The following ASTN1 variants were observed in gnomAD, a reference collection of about 807,000 sequenced individuals.
ASTN1 encodes the protein astrotactin-1.
In ASTN1, 41 loss-of-function variants were observed where a neutral mutation model predicts 140.7. The ratio of observed to expected loss-of-function variants is 0.29; its 90% CI spans 0.23 to 0.38. The LOEUF (loss-of-function observed/expected upper bound fraction) is 0.38, where lower values mean the gene tolerates loss of function less well. Ranked by LOEUF, ASTN1 falls within the 10% of genes least tolerant of loss-of-function variation. The probability of loss-of-function intolerance (pLI) is 1.00; values close to 1 mark genes in which losing one functional copy is unlikely to be tolerated. For missense variants in ASTN1, 1,479 were observed against 1,678.8 expected (o/e 0.88, Z 2.08); for synonymous variants, 640 against 652.2 (o/e 0.98, Z 0.29).
intron 16 of ASTN1, among the ~76,000 whole-genome samples, chr1:176,929,817 G>C (rs1014313768): frequency 2.0e-5 from 3 of 152,196 alleles, no homozygotes; most frequent in African/African-American, 7.2e-5. Context: ...GACCATCCTG[G>C]CTAACACGGT....
chr1:176,859,500 C>G (rs1043517633), downstream of ASTN1, among the ~76,000 whole-genome samples: 1 of 152,138 alleles, frequency 6.6e-6, no homozygotes, highest in African/African-American at 2.4e-5. Context: ...TTAAAAGACC[C>G]CTGGCCGGGC....
intron 1 of ASTN1, among the ~76,000 whole-genome samples, chr1:177,068,262 C>T (rs1678462766): frequency 6.6e-6 from 1 of 152,176 alleles, no homozygotes; most frequent in African/African-American, 2.4e-5. Flanking sequence ...CAGGCTTGAG[C>T]AATGGCCACA....
chr1:177,110,413 A>G (rs575735046), intron 1 of ASTN1, among the ~76,000 whole-genome samples: 19 of 152,234 alleles, frequency 1.2e-4, no homozygotes, highest in Non-Finnish European at 2.5e-4. Flanking sequence ...CTAACATAAC[A>G]TTAGCTCTGA....
intron 21 of ASTN1, among the ~76,000 whole-genome samples, chr1:176,875,895 G>C (rs1282263410): frequency 6.6e-6 from 1 of 152,226 alleles, no homozygotes; most frequent in African/African-American, 2.4e-5. Flanking sequence ...CCTTAGAACA[G>C]GGGATGATGT....
At chr1:177,079,521 A>G (rs531184073) in intron 1 of ASTN1, among the ~76,000 whole-genome samples, 2 of 152,328 alleles carry the variant, frequency 1.3e-5, no homozygotes, top group African/African-American at 4.8e-5. Flanking sequence ...TGAAAGAAGA[A>G]GTACCACAAT....
At chr1:177,024,994 G>A (rs1474129216) in intron 5 of ASTN1, among the ~76,000 whole-genome samples, 3 of 152,120 alleles carry the variant, frequency 2.0e-5, no homozygotes, top group Non-Finnish European at 4.4e-5. Context: ...CTCTTCCTGG[G>A]CCAAGTTCAC....
chr1:176,957,862 T>A (rs1317183941), intron 10 of ASTN1, 34 bp from the exon 11 acceptor site: 3 of 1,603,160 alleles, frequency 1.9e-6, no homozygotes, highest in Non-Finnish European at 8.5e-7. Context: ...CAGGGAGGAG[T>A]CAAGGAGATT....
chr1:176,925,002 A>T (rs894305858), intron 16 of ASTN1, among the ~76,000 whole-genome samples: 2 of 152,218 alleles, frequency 1.3e-5, no homozygotes, highest in East Asian at 3.9e-4. Context: ...GCTATTAAAT[A>T]AAAAAGTCAG....
In ASTN1 at chr1:177,004,737, T is replaced by C. The variant is rs528119729; in HGVS notation, c.1523+10054A>G. Among the ~76,000 whole-genome samples, 1,062 of 152,272 alleles carry C rather than the reference T, an allele frequency of 7.0e-3. 7 individuals are homozygous for C. The highest frequency in any genetic ancestry group is 0.011 in the Non-Finnish European group (775 of 68,018). On this transcript the variant is annotated intron_variant, in intron 8 of 22. Transcript: ENST00000361833. ...AACAAAAACCAAGGAAAGGACACCC[T>C]ATTCAATAAATGGTACTGAGAAAGC...
At chr1:177,035,603 G>A (rs896931443) in intron 2 of ASTN1, among the ~76,000 whole-genome samples, 3 of 152,118 alleles carry the variant, frequency 2.0e-5, no homozygotes, top group African/African-American at 7.2e-5. Context: ...GTCACTACAT[G>A]CCTGAGAGAT....
At chr1:177,140,933 C>T (rs1682440034) in intron 1 of ASTN1, among the ~76,000 whole-genome samples, 1 of 152,144 alleles carries the variant, frequency 6.6e-6, no homozygotes, top group Non-Finnish European at 1.5e-5. Context: ...ACAGCACTTA[C>T]TGGCTGGGCT....
chr1:177,076,434 T>C (rs971673731), intron 1 of ASTN1, among the ~76,000 whole-genome samples: 6 of 151,852 alleles, frequency 4.0e-5, no homozygotes, highest in African/African-American at 1.2e-4. Context: ...AGTGCATCCT[T>C]GGTCATAATG....
chr1:176,935,876 T>C (rs1671421788), intron 15 of ASTN1, among the ~76,000 whole-genome samples: 2 of 152,184 alleles, frequency 1.3e-5, no homozygotes, highest in African/African-American at 4.8e-5. Flanking sequence ...TTTCTTGCTC[T>C]CTTTTTTTAG....
In ASTN1 at chr1:176,954,792, G is replaced by A. The variant is rs78019006; in HGVS notation, c.1887+2886C>T. Among the ~76,000 whole-genome samples, 1,243 of 152,292 alleles carry A rather than the reference G, an allele frequency of 8.2e-3. 19 individuals are homozygous for A. Among genetic ancestry groups the A allele is most frequent in the African/African-American group, 0.028 (1,145 of 41,542 alleles). The stretch of plus-strand genomic sequence containing the variant: ...AGCAATCCGTGGCTACTGGAGGGCC[G>A]TCTGGCTTGGAATGGTGTGACTGTG... On this transcript the variant is annotated intron_variant, in intron 11 of 22. Coordinates refer to ENST00000361833, the MANE Select transcript of ASTN1 (RefSeq NM_004319.3).
intron 16 of ASTN1, among the ~76,000 whole-genome samples, chr1:176,921,248 T>A (rs1002156126): frequency 6.6e-6 from 1 of 152,248 alleles, no homozygotes; most frequent in African/African-American, 2.4e-5. Context: ...ATATCTTCTA[T>A]TAATTGAACC....
chr1:177,148,335 G>A (rs951054289), intron 1 of ASTN1, among the ~76,000 whole-genome samples: 18 of 151,462 alleles, frequency 1.2e-4, no homozygotes, highest in South Asian at 2.1e-4. Flanking sequence ...GGAGAATGGC[G>A]TGAACCCGGG....
intron 1 of ASTN1, among the ~76,000 whole-genome samples, chr1:177,067,584 G>A (rs1042873152): frequency 1.3e-5 from 2 of 151,996 alleles, no homozygotes; most frequent in Admixed American, 6.6e-5. Flanking sequence ...TATTAACAGC[G>A]GTATTAACTT....
At chr1:177,071,699 C>T (rs866686631) in intron 1 of ASTN1, among the ~76,000 whole-genome samples, 6 of 152,134 alleles carry the variant, frequency 3.9e-5, no homozygotes, top group African/African-American at 1.4e-4. Flanking sequence ...GAAAAGTGGG[C>T]ATAAGTGACC....
intron 2 of ASTN1, among the ~76,000 whole-genome samples, chr1:177,046,165 GACCCCATTGGCAC>G (rs1677210925): frequency 6.6e-6 from 1 of 152,110 alleles, no homozygotes; most frequent in Non-Finnish European, 1.5e-5. Flanking sequence ...AAACCGGGTA[GACCCCATTGGCAC>G]ACTGAAGGCT....
Sources: gnomAD v4.1 joint callset for allele counts (sites outside exome capture counted in the v4.1 genomes callset) on GRCh38, gnomAD v4.1.1 for gene constraint, MANE v1.5 for transcripts, NCBI Gene and HGNC (gene_info 2026-07-23, HGNC 2026-07-21) for gene names.